Variants in DNAH5 observed in about 807,000 individuals in gnomAD.
DNAH5 encodes dynein axonemal heavy chain 5, also known as axonemal beta dynein heavy chain 5.
Under a neutral mutation model 518.2 loss-of-function variants are expected in DNAH5, and 372 were observed. The ratio of observed to expected loss-of-function variants is 0.72; its 90% CI spans 0.66 to 0.78. The LOEUF (loss-of-function observed/expected upper bound fraction) is 0.78, where lower values mean the gene tolerates loss of function less well. Among genes scored for constraint, DNAH5 ranks in the 30% least tolerant of loss-of-function variants. The pLI, the probability that DNAH5 is intolerant of heterozygous loss-of-function variation, is 0.00. For missense variants in DNAH5, 5,523 were observed against 5,687.0 expected (o/e 0.97, Z 0.93); for synonymous variants, 2,039 against 2,025.9 (o/e 1.01, Z -0.17).
chr5:13,865,997 G>A (rs1238883406), intron 26 of DNAH5, 91 bp from the exon 27 acceptor site: 1 of 1,015,084 alleles, frequency 9.9e-7, no homozygotes, highest in African/African-American at 1.6e-5. Context: ...AAGCAAGCCA[G>A]AGATGTATGA....
rs540786351 is a variant in DNAH5 at position 13,972,595 on chromosome 5, G to T, written c.12+39053C>A. On this transcript the variant is annotated intron_variant, in intron 1 of 78. Transcript: ENST00000681290. ...CTAGGTAAGGTCAAATCCTTCTCCT[G>T]TGATCTGGACCTTCAGGTTCCGCAG... is the stretch of plus-strand genomic sequence containing the variant. 5.5e-4 allele frequency among the ~76,000 whole-genome samples: 84 copies of T among 152,290 alleles called. 1 individual carries two copies. Among genetic ancestry groups the T allele is most frequent in the African/African-American group, 2.0e-3 (83 of 41,548 alleles).
At chr5:13,766,241 GC>G in intron 58 of DNAH5, 62 bp from the exon 59 acceptor site, 1 of 1,567,196 alleles carries the variant, frequency 6.4e-7, no homozygotes, top group Non-Finnish European at 8.8e-7. Flanking sequence ...AGCAAACCTT[GC>G]ATGTCCAAAT....
Position 13,788,959 on chromosome 5 carries a change from C to T in DNAH5, c.8449-45G>A, listed in dbSNP as rs116134658. 1.1e-3 allele frequency: 1,656 copies of T among 1,551,524 alleles called. 27 individuals carry two copies. The African/African-American group carries it at 0.02, about 18-fold the overall frequency. ...AATGTGTTAGTAATTCCTGTTATGCCGTAATTGGGAATTCAGGTTGACAGT... is the reference window on the plus strand; with the variant it reads ...AATGTGTTAGTAATTCCTGTTATGCTGTAATTGGGAATTCAGGTTGACAGT... On this transcript the variant is annotated intron_variant, in intron 50 of 78. Coordinates refer to ENST00000265104, the MANE Select transcript of DNAH5 (RefSeq NM_001369.3).
At chr5:13,897,949 T>A (rs1212717838) in intron 15 of DNAH5, 1 of 152,188 alleles carries the variant, frequency 6.6e-6, no homozygotes, top group African/African-American at 2.4e-5. Context: ...GTAGCGCTTG[T>A]TCTTGAAACC....
At chr5:13,750,683 C>G (rs1360066992) in intron 65 of DNAH5, among the ~76,000 whole-genome samples, 5 of 152,062 alleles carry the variant, frequency 3.3e-5, no homozygotes, top group Non-Finnish European at 5.9e-5. Flanking sequence ...AATAATGAAT[C>G]AAATGAAAGA....
chr5:13,996,759 G>A (rs776046020), intron 1 of DNAH5, among the ~76,000 whole-genome samples: 20 of 152,204 alleles, frequency 1.3e-4, no homozygotes, highest in Non-Finnish European at 2.2e-4. Flanking sequence ...CAGCTCTCAC[G>A]GTTGGAGTCT....
rs1455826933 is a variant in DNAH5 at position 13,761,087 on chromosome 5, T to TAAATAAAAAG, written c.10281+1634_10281+1635insCTTTTTATTT. On this transcript the variant is annotated intron_variant, in intron 60 of 78. Transcript: ENST00000265104. The stretch of plus-strand genomic sequence containing the variant: ...ATAAAAAGGTTCCCACTACTGATAG[T>TAAATAAAAAG]GTTCCCTTCACTTCCTACTGCAGGA... 2.0e-5 allele frequency among the ~76,000 whole-genome samples: 3 copies of TAAATAAAAAG among 152,326 alleles called. No homozygotes were observed. In the South Asian group the frequency reaches 6.2e-4, roughly 32 times the overall value.
chr5:13,810,584 C>CA (rs61113976), intron 44 of DNAH5: 6,444 of 99,722 alleles, frequency 0.065, 324 homozygotes, highest in African/African-American at 0.15. Flanking sequence ...ACTAAAAATA[C>CA]AAAAAAAAAA....
chr5:13,805,353 C>A (rs886258912), intron 47 of DNAH5, among the ~76,000 whole-genome samples: 1 of 152,006 alleles, frequency 6.6e-6, no homozygotes, highest in African/African-American at 2.4e-5. Flanking sequence ...CAAAAATTAG[C>A]GGGGTGTGGT....
intron 29 of DNAH5, 78 bp from the exon 30 acceptor site, chr5:13,859,683 T>C (rs989727133): frequency 1.4e-6 from 2 of 1,447,942 alleles, no homozygotes; most frequent in African/African-American, 2.8e-5. Flanking sequence ...TTTTTAAAAA[T>C]CTTAATTTTT....
chr5:13,884,000 T>A (rs1368853473), intron 19 of DNAH5, among the ~76,000 whole-genome samples: 1 of 152,140 alleles, frequency 6.6e-6, no homozygotes, highest in African/African-American at 2.4e-5. Context: ...TAATTACTAT[T>A]ATTTGTTTTC....
In DNAH5 at chr5:13,793,012, A is replaced by T. The variant is rs537635769; in HGVS notation, c.8224+503T>A. Among the ~76,000 whole-genome samples the T allele has an allele frequency of 7.9e-5, 12 of 152,354 alleles. No homozygotes were observed. In the South Asian group the frequency reaches 2.3e-3, roughly 29 times the overall value. ...GATTGTTCGACTAAATTATCTATGA[A>T]ATACTACATATTTAATCAATAACTT... On this transcript the variant is annotated intron_variant, in intron 49 of 78. Transcript: ENST00000265104.
chr5:13,695,341 A>C (rs1304645403), intron 78 of DNAH5, among the ~76,000 whole-genome samples: 1 of 152,154 alleles, frequency 6.6e-6, no homozygotes, highest in Non-Finnish European at 1.5e-5. Flanking sequence ...GGAGAGCACC[A>C]TCCGCAGAGG....
At chr5:13,742,221 TG>T (rs1288946945) in intron 65 of DNAH5, among the ~76,000 whole-genome samples, 1 of 152,152 alleles carries the variant, frequency 6.6e-6, no homozygotes, top group Non-Finnish European at 1.5e-5. Flanking sequence ...TTGTTTCAAC[TG>T]GGAATGAGAG....
In DNAH5 at chr5:13,830,348, C is replaced by T. The variant is rs1048408835; in HGVS notation, c.6062-135G>A. 5.4e-6 allele frequency: 5 copies of T among 923,852 alleles called. No homozygotes were observed. The Admixed American group carries it at 6.6e-5, about 12-fold the overall frequency. 57.2% of individuals were successfully genotyped at this position (923,852 alleles called of 1,614,324 possible). A position where few individuals can be genotyped will look rare whatever the true frequency, so the allele number is the denominator to read the frequency against. ...GTAAAGTGCAACAAATAGATCTATG[C>T]ATCAAGTGACCCAAAACAGCTTACA... is the stretch of plus-strand genomic sequence containing the variant. On this transcript the variant is annotated intron_variant, in intron 36 of 78. Coordinates refer to ENST00000265104, the MANE Select transcript of DNAH5 (RefSeq NM_001369.3).
chr5:13,773,921 A>G (rs1753708317), intron 55 of DNAH5, among the ~76,000 whole-genome samples: 3 of 149,788 alleles, frequency 2.0e-5, no homozygotes, highest in South Asian at 2.1e-4. Flanking sequence ...CAACTGGGGG[A>G]AAAAAAAAAG....
At position 13,830,274 on chromosome 5, in the gene DNAH5, A is replaced by G. The variant is rs565732933; in HGVS notation, c.6062-61T>C. On this transcript the variant is annotated intron_variant, in intron 36 of 78. Coordinates refer to ENST00000265104, the MANE Select transcript of DNAH5 (RefSeq NM_001369.3). ...ATATAATTTTAGAAAACCAAGAAAAAGGATATTATGTAGCTGCTAAAATGA... is the reference window on the plus strand; with the variant it reads ...ATATAATTTTAGAAAACCAAGAAAAGGGATATTATGTAGCTGCTAAAATGA... 8.0e-5 allele frequency: 117 copies of G among 1,467,246 alleles called. No individual in the cohort carries two copies. The East Asian group carries it at 2.7e-3, about 34-fold the overall frequency. 90.9% of individuals were successfully genotyped at this position (1,467,246 alleles called of 1,614,324 possible).
At chr5:13,911,584 A>G in intron 11 of DNAH5, 91 bp from the exon 12 acceptor site, 1 of 1,007,092 alleles carries the variant, frequency 9.9e-7, no homozygotes, top group Admixed American at 2.3e-5. Flanking sequence ...CTATACAATA[A>G]TTGCCAGAAA....
intron 59 of DNAH5, among the ~76,000 whole-genome samples, chr5:13,764,333 G>A (rs1220467356): frequency 6.6e-6 from 1 of 152,124 alleles, no homozygotes; most frequent in East Asian, 1.9e-4. Context: ...ACGCCAGAAA[G>A]CAGCAGAAAA....
Sources: gnomAD v4.1 joint callset for allele counts (sites outside exome capture counted in the v4.1 genomes callset) on GRCh38, gnomAD v4.1.1 for gene constraint, MANE v1.5 for transcripts, NCBI Gene and HGNC (gene_info 2026-07-23, HGNC 2026-07-21) for gene names.